Variants in TULP4 observed in about 807,000 individuals in gnomAD.
TULP4 encodes tubby-related protein 4.
A neutral mutation model predicts 129.0 loss-of-function variants in TULP4; 16 were observed. That is an observed-to-expected ratio of 0.12 (90% CI 0.08 to 0.19). The LOEUF (loss-of-function observed/expected upper bound fraction) is 0.19, where lower values mean the gene tolerates loss of function less well. Ranked by LOEUF, TULP4 falls within the 10% of genes least tolerant of loss-of-function variation. The probability of loss-of-function intolerance (pLI) is 1.00; values close to 1 mark genes in which losing one functional copy is unlikely to be tolerated. For missense variants in TULP4, 1,842 were observed against 2,059.1 expected, an observed-to-expected ratio of 0.89 and a Z score of 2.04; for synonymous variants, 998 against 854.0, an observed-to-expected ratio of 1.17 and a Z score of -2.94.
chr6:158,459,596 A>G (rs1779376670), intron 5 of TULP4, among the ~76,000 whole-genome samples: 1 of 146,842 alleles, frequency 6.8e-6, no homozygotes, highest in Non-Finnish European at 1.5e-5. Flanking sequence ...TGCAGGGGCA[A>G]CAACCCACTT....
intron 3 of TULP4, among the ~76,000 whole-genome samples, chr6:158,442,301 G>A (rs962230758): frequency 6.6e-6 from 1 of 152,162 alleles, no homozygotes; most frequent in Admixed American, 6.5e-5. Flanking sequence ...ATATATTTCA[G>A]TGTGTTTTGA....
intron 1 of TULP4, among the ~76,000 whole-genome samples, chr6:158,263,961 G>A (rs546523679): frequency 7.6e-4 from 115 of 151,736 alleles, no homozygotes; most frequent in African/African-American, 2.6e-3. Flanking sequence ...TACTGGGGAG[G>A]CTGAGACAGG....
At chr6:158,414,243 C>A (rs974252671) in intron 2 of TULP4, among the ~76,000 whole-genome samples, 1 of 152,220 alleles carries the variant, frequency 6.6e-6, no homozygotes, top group African/African-American at 2.4e-5. Context: ...CAGTTTCCTT[C>A]AGGCTCCTTC....
At chr6:158,485,677 A>G (rs1780049979) in intron 8 of TULP4, among the ~76,000 whole-genome samples, 1 of 152,270 alleles carries the variant, frequency 6.6e-6, no homozygotes, top group African/African-American at 2.4e-5. Context: ...TGGGGGCAGG[A>G]TCCCTGCCAG....
At chr6:158,467,087 T>C (rs930458825) in intron 6 of TULP4, among the ~76,000 whole-genome samples, 38 of 152,270 alleles carry the variant, frequency 2.5e-4, no homozygotes, top group Middle Eastern at 3.4e-3. Context: ...TCTTAAATAA[T>C]GCTCCTCTTC....
chr6:158,418,101 T>G (rs9457373), intron 2 of TULP4, among the ~76,000 whole-genome samples: 8,711 of 86,094 alleles, frequency 0.1, 339 homozygotes, highest in Non-Finnish European at 0.18. Context: ...GTGTGTGTGT[T>G]TTTTTTTTTT....
chr6:158,357,995 T>C (rs1283443478), intron 1 of TULP4, among the ~76,000 whole-genome samples: 1 of 152,190 alleles, frequency 6.6e-6, no homozygotes, highest in African/African-American at 2.4e-5. Context: ...AGGATTGTGG[T>C]TGTGTCTGCC....
At chr6:158,358,736 T>G (rs1297608701) in intron 1 of TULP4, among the ~76,000 whole-genome samples, 1 of 152,222 alleles carries the variant, frequency 6.6e-6, no homozygotes, top group Non-Finnish European at 1.5e-5. Context: ...AACTCTAGTG[T>G]GATAACTTAG....
At chr6:158,316,460 GA>G (rs1779495172) in intron 1 of TULP4, among the ~76,000 whole-genome samples, 1 of 152,188 alleles carries the variant, frequency 6.6e-6, no homozygotes, top group Admixed American at 6.5e-5. Context: ...GGCTTCTTTT[GA>G]ATTTGAACTT....
chr6:158,434,913 A>G (rs1400058826), intron 3 of TULP4, among the ~76,000 whole-genome samples: 1 of 152,218 alleles, frequency 6.6e-6, no homozygotes. Flanking sequence ...GAAAGTTACC[A>G]CATACATGAA....
chr6:158,454,023 C>G (rs538674261), intron 5 of TULP4, among the ~76,000 whole-genome samples: 1 of 146,954 alleles, frequency 6.8e-6, no homozygotes, highest in Non-Finnish European at 1.5e-5. Context: ...TCTGCACCGC[C>G]CCCCCCCAAG....
intron 1 of TULP4, among the ~76,000 whole-genome samples, chr6:158,292,154 C>T (rs1325391613): frequency 6.6e-6 from 1 of 152,198 alleles, no homozygotes; most frequent in Non-Finnish European, 1.5e-5. Flanking sequence ...AATTGTGGGA[C>T]ACTTTAGCCT....
intron 5 of TULP4, among the ~76,000 whole-genome samples, chr6:158,457,964 T>C (rs746000057): frequency 1.3e-5 from 2 of 152,160 alleles, no homozygotes; most frequent in African/African-American, 4.8e-5. Context: ...TCACACACTT[T>C]GCTAATTAAT....
chr6:158,439,599 G>A (rs1323354015), intron 3 of TULP4, among the ~76,000 whole-genome samples: 1 of 151,260 alleles, frequency 6.6e-6, no homozygotes, highest in East Asian at 2.0e-4. Context: ...TATAGGCACT[G>A]CATAGATTTT....
chr6:158,452,254 G>T lies in TULP4; in HGVS notation c.845G>T (p.Arg282Leu). Residue 282 changes from arginine to leucine, a missense_variant, in exon 5 of 14, where the codon CGC (arginine) becomes CTC (leucine). Transcript: ENST00000367097. The stretch of plus-strand genomic sequence containing the variant: ...GATGACTTGTCTCCCACGGTCATCC[G>T]CTCAGGGCTGAAAGGTACAGAATGC... Reference protein sequence around the residue: ...NYDDLSPTVIRSGLKEVVAQW... With the variant: ...NYDDLSPTVILSGLKEVVAQW... 1 of 1,614,076 alleles carries T rather than the reference G, an allele frequency of 6.2e-7. No individual in the cohort carries two copies. Among genetic ancestry groups the T allele is most frequent in the South Asian group, 1.1e-5 (1 of 91,068 alleles).
chr6:158,416,648 G>GAACCA (rs948325855), intron 2 of TULP4, among the ~76,000 whole-genome samples: 1 of 152,154 alleles, frequency 6.6e-6, no homozygotes, highest in African/African-American at 2.4e-5. Flanking sequence ...ATTGAGGAAA[G>GAACCA]AACCATTTTT....
intron 11 of TULP4, among the ~76,000 whole-genome samples, chr6:158,495,600 TGG>T (rs1780318859): frequency 6.6e-6 from 1 of 152,188 alleles, no homozygotes; most frequent in South Asian, 2.1e-4. Context: ...CCCAGCACTT[TGG>T]GAATACAAGG....
intron 1 of TULP4, among the ~76,000 whole-genome samples, chr6:158,334,579 T>C (rs543742908): frequency 3.0e-4 from 35 of 117,260 alleles, no homozygotes; most frequent in Admixed American, 1.7e-3. Context: ...TTCAACTGTG[T>C]GGGGGTTGGC....
intron 1 of TULP4, among the ~76,000 whole-genome samples, chr6:158,288,220 G>T (rs780136518): frequency 8.5e-5 from 13 of 152,100 alleles, no homozygotes; most frequent in Non-Finnish European, 1.5e-4. Context: ...TGCATGTCCA[G>T]TTTGTTTGGG....
Sources: allele counts gnomAD v4.1 joint callset (sites outside exome capture counted in the v4.1 genomes callset), GRCh38; gene constraint gnomAD v4.1.1; transcripts MANE v1.5; gene names NCBI Gene and HGNC (gene_info 2026-07-23, HGNC 2026-07-21).